Variants in TRHDE observed in about 807,000 individuals in gnomAD.
TRHDE encodes the protein thyrotropin-releasing hormone-degrading ectoenzyme.
TRHDE carries 72 observed loss-of-function variants against 125.7 expected under a neutral mutation model. That is an observed-to-expected ratio of 0.57 (90% CI 0.47 to 0.70). TRHDE has a LOEUF of 0.70. Ranked by LOEUF, TRHDE falls within the 30% of genes least tolerant of loss-of-function variation. The probability of loss-of-function intolerance (pLI) is 0.00; values close to 1 mark genes in which losing one functional copy is unlikely to be tolerated. For synonymous variants in TRHDE, 509 were observed against 509.1 expected, an observed-to-expected ratio of 1.00 and a Z score of 0.00; for missense variants, 1,110 against 1,327.1, an observed-to-expected ratio of 0.84 and a Z score of 2.54.
At chr12:72,532,778 A>G (rs1429026241) in intron 6 of TRHDE, among the ~76,000 whole-genome samples, 1 of 149,920 alleles carries the variant, frequency 6.7e-6, no homozygotes, top group Non-Finnish European at 1.5e-5. Flanking sequence ...TCTATATTAT[A>G]TATAGATTAT....
At chr12:72,177,162 A>T (rs1441980316) in intron 2 of TRHDE, among the ~76,000 whole-genome samples, 1 of 152,114 alleles carries the variant, frequency 6.6e-6, no homozygotes, top group African/African-American at 2.4e-5. Context: ...CTAAGGACAG[A>T]TATGATTGGA....
intron 2 of TRHDE, among the ~76,000 whole-genome samples, chr12:72,295,329 G>A (rs1056012800): frequency 1.2e-4 from 19 of 152,260 alleles, no homozygotes; most frequent in African/African-American, 4.1e-4. Context: ...GGCAGCCCTG[G>A]CCGCGCCTCC....
At chr12:72,109,740 T>C (rs1003784668) in intron 2 of TRHDE, among the ~76,000 whole-genome samples, 1 of 152,174 alleles carries the variant, frequency 6.6e-6, no homozygotes, top group African/African-American at 2.4e-5. Flanking sequence ...TTGTGGAAAC[T>C]GCGTTATATG....
chr12:72,484,232 T>TA (rs2135917244), intron 5 of TRHDE, among the ~76,000 whole-genome samples: 1 of 152,260 alleles, frequency 6.6e-6, no homozygotes, highest in South Asian at 2.1e-4. Context: ...AATGAATGGA[T>TA]AAGTATGAAA....
At chr12:72,517,907 G>T (rs569314148) in intron 6 of TRHDE, among the ~76,000 whole-genome samples, 1 of 152,122 alleles carries the variant, frequency 6.6e-6, no homozygotes, top group South Asian at 2.1e-4. Flanking sequence ...TATGTACCCA[G>T]TTGTCATTCA....
At chr12:72,537,301 T>C (rs756266796) in intron 6 of TRHDE, among the ~76,000 whole-genome samples, 7 of 151,956 alleles carry the variant, frequency 4.6e-5, no homozygotes, top group Non-Finnish European at 1.0e-4. Flanking sequence ...CGAATTGTCA[T>C]CCCCACTTGT....
chr12:72,184,167 G>A (rs1877154302), intron 2 of TRHDE, among the ~76,000 whole-genome samples: 2 of 152,016 alleles, frequency 1.3e-5, no homozygotes, highest in African/African-American at 2.4e-5. Context: ...ATGAAATATA[G>A]AACACCAAAG....
At chr12:72,609,615 T>G (rs1872566235) in intron 12 of TRHDE, among the ~76,000 whole-genome samples, 1 of 152,140 alleles carries the variant, frequency 6.6e-6, no homozygotes, top group African/African-American at 2.4e-5. Flanking sequence ...CCTCCCTCCC[T>G]CCACAATAAG....
intron 2 of TRHDE, among the ~76,000 whole-genome samples, chr12:72,375,862 T>C (rs989495287): frequency 2.0e-5 from 3 of 152,208 alleles, no homozygotes; most frequent in Non-Finnish European, 4.4e-5. Context: ...TAAATATTTG[T>C]TGAATGAATG....
At chr12:72,445,943 A>T (rs1049884405) in intron 3 of TRHDE, among the ~76,000 whole-genome samples, 5 of 151,834 alleles carry the variant, frequency 3.3e-5, no homozygotes, top group African/African-American at 1.2e-4. Flanking sequence ...TTAGGGATGA[A>T]GGTTTTAGAA....
chr12:72,191,766 G>A (rs1877345806), intron 2 of TRHDE, among the ~76,000 whole-genome samples: 2 of 152,168 alleles, frequency 1.3e-5, no homozygotes, highest in Admixed American at 6.5e-5. Context: ...ATGTCAACAT[G>A]GTATTTTGTG....
intron 2 of TRHDE, among the ~76,000 whole-genome samples, chr12:72,289,659 A>G (rs1880015843): frequency 6.6e-6 from 1 of 152,226 alleles, no homozygotes. Flanking sequence ...ACTGAATGGC[A>G]GGTATTGTTC....
At chr12:72,330,712 A>T (rs1440565758) in intron 2 of TRHDE, among the ~76,000 whole-genome samples, 2 of 152,226 alleles carry the variant, frequency 1.3e-5, no homozygotes, top group Admixed American at 1.3e-4. Flanking sequence ...AGGAAAATAA[A>T]GTACTTTCAG....
intron 2 of TRHDE, among the ~76,000 whole-genome samples, chr12:72,234,996 A>G (rs1878313869): frequency 6.6e-6 from 1 of 152,224 alleles, no homozygotes; most frequent in African/African-American, 2.4e-5. Flanking sequence ...GTTCACTGGT[A>G]AGGAAATTGG....
intron 5 of TRHDE, among the ~76,000 whole-genome samples, chr12:72,494,658 C>T (rs1293247169): frequency 6.6e-6 from 1 of 152,018 alleles, no homozygotes; most frequent in Non-Finnish European, 1.5e-5. Flanking sequence ...CTTTTAACTC[C>T]TCAGACTTTG....
At chr12:72,395,188 C>T (rs1157136233) in intron 3 of TRHDE, among the ~76,000 whole-genome samples, 1 of 152,064 alleles carries the variant, frequency 6.6e-6, no homozygotes, top group African/African-American at 2.4e-5. Context: ...CAACGTCTTC[C>T]CAACCTTCTC....
chr12:72,147,549 C>T (rs1295118949), intron 2 of TRHDE: 1 of 152,196 alleles, frequency 6.6e-6, no homozygotes, highest in Non-Finnish European at 1.5e-5. Flanking sequence ...TTGATAACAG[C>T]ATCTACTTAT....
chr12:72,444,468 C>T lies in TRHDE; in HGVS notation c.1316-25290C>T, dbSNP rs115892802. On this transcript the variant is annotated intron_variant, in intron 3 of 18. Transcript: ENST00000261180. ...TACCCAACATTTTTTTTTGAAAAAT[C>T]AGTTGATAGCAGAGTAAAGTAAGAG... 4.1e-3 allele frequency among the ~76,000 whole-genome samples: 627 copies of T among 151,438 alleles called. 6 individuals are homozygous for T. Among genetic ancestry groups the T allele is most frequent in the African/African-American group, 0.015 (613 of 41,386 alleles).
rs1464623266 is a variant in TRHDE, at chr12:72,664,799, C to G, written c.*1604C>G. The G allele has an allele frequency of 6.6e-6, 1 of 151,886 alleles. No homozygotes were observed. The highest frequency in any genetic ancestry group is 1.5e-5 in the Non-Finnish European group (1 of 67,956). The allele number at this position is 151,886 out of a possible 1,614,324, so 9.4% of individuals were successfully genotyped here. A position where few individuals can be genotyped will look rare whatever the true frequency, so the allele number is the denominator to read the frequency against. On this transcript the variant is annotated 3_prime_UTR_variant, in exon 19 of 19. Coordinates refer to ENST00000261180, the MANE Select transcript of TRHDE (RefSeq NM_013381.3). ...AATTAGACATTTTAAGAACCAGAGC[C>G]ATAGAATTATTTTAAATTAGTAGAA...
Sources: allele counts gnomAD v4.1 joint callset (sites outside exome capture counted in the v4.1 genomes callset), GRCh38; gene constraint gnomAD v4.1.1; transcripts MANE v1.5; gene names NCBI Gene and HGNC (gene_info 2026-07-23, HGNC 2026-07-21).